UBE2E2: variants seen among roughly 807,000 people sequenced by gnomAD.
UBE2E2 encodes the protein ubiquitin conjugating enzyme E2 E2, also known as ubiquitin-conjugating enzyme E2 E2.
UBE2E2 carries 6 observed loss-of-function variants against 24.7 expected under a neutral mutation model. That is an observed-to-expected ratio of 0.24 (90% CI 0.13 to 0.48). The LOEUF (loss-of-function observed/expected upper bound fraction) is 0.48, where lower values mean the gene tolerates loss of function less well. Among genes scored for constraint, UBE2E2 ranks in the 20% least tolerant of loss-of-function variants. UBE2E2 has a pLI of 0.99. For synonymous variants in UBE2E2, 104 were observed against 83.6 expected (o/e 1.24, Z -1.33); for missense variants, 169 against 245.0 (o/e 0.69, Z 2.07).
intron 4 of UBE2E2, among the ~76,000 whole-genome samples, chr3:23,504,912 CTTT>C (rs150970405): frequency 8.4e-5 from 8 of 95,062 alleles, no homozygotes; most frequent in African/African-American, 3.2e-4. Flanking sequence ...GACATTCTTT[CTTT>C]TTTTTTTTTT....
At chr3:23,580,301 A>G (rs1400998032) in intron 5 of UBE2E2, among the ~76,000 whole-genome samples, 1 of 152,236 alleles carries the variant, frequency 6.6e-6, no homozygotes, top group African/African-American at 2.4e-5. Context: ...CGATGCGGCA[A>G]ACTGTATTGT....
At chr3:23,543,916 A>G (rs1238012578) in intron 5 of UBE2E2, among the ~76,000 whole-genome samples, 1 of 152,206 alleles carries the variant, frequency 6.6e-6, no homozygotes, top group Non-Finnish European at 1.5e-5. Context: ...AAAGCCAAAT[A>G]CAGCCAACTG....
intron 3 of UBE2E2, among the ~76,000 whole-genome samples, chr3:23,361,746 T>C (rs1464685174): frequency 1.3e-5 from 2 of 152,154 alleles, no homozygotes; most frequent in African/African-American, 4.8e-5. Flanking sequence ...CATTGAAATC[T>C]CAGAAATCAC....
intron 3 of UBE2E2, among the ~76,000 whole-genome samples, chr3:23,317,106 T>C (rs1358273901): frequency 1.3e-5 from 2 of 152,198 alleles, no homozygotes; most frequent in Non-Finnish European, 2.9e-5. Flanking sequence ...TTTAGCCTCC[T>C]TGGCTGGTGT....
intron 4 of UBE2E2, among the ~76,000 whole-genome samples, chr3:23,508,033 CAG>C (rs1491554877): frequency 6.6e-6 from 1 of 152,178 alleles, no homozygotes; most frequent in African/African-American, 2.4e-5. Context: ...TAACTAGTGT[CAG>C]AATGGCCTTG....
At chr3:23,567,118 A>G (rs1016892344) in intron 5 of UBE2E2, among the ~76,000 whole-genome samples, 1 of 152,244 alleles carries the variant, frequency 6.6e-6, no homozygotes, top group Non-Finnish European at 1.5e-5. Context: ...TAATGCTTCT[A>G]TAACTAAAAC....
At position 23,493,736 on chromosome 3, in the gene UBE2E2, T is replaced by C. The variant is rs79224855; in HGVS notation, c.228-5872T>C. Among the ~76,000 whole-genome samples, 491 of 152,330 alleles carry C rather than the reference T, an allele frequency of 3.2e-3. 20 individuals carry two copies. In the East Asian group the frequency reaches 0.082, roughly 26 times the overall value. On this transcript the variant is annotated intron_variant, in intron 3 of 5. Transcript: ENST00000396703. ...TCTAAAGTTCTGCTATATCTAAATA[T>C]ACATCATAAGATTAGGTTACAGAAT...
chr3:23,232,909 AG>A (rs1280592302), intron 3 of UBE2E2, among the ~76,000 whole-genome samples: 1 of 152,250 alleles, frequency 6.6e-6, no homozygotes, highest in African/African-American at 2.4e-5. Context: ...AACTGGAAGA[AG>A]GTGACAGATT....
intron 3 of UBE2E2, among the ~76,000 whole-genome samples, chr3:23,403,802 C>T (rs1443643802): frequency 1.5e-5 from 2 of 134,562 alleles, no homozygotes; most frequent in East Asian, 2.1e-4. Flanking sequence ...AGTGAGATTC[C>T]GTCTCCAAAA....
intron 3 of UBE2E2, among the ~76,000 whole-genome samples, chr3:23,352,588 A>G (rs1248638316): frequency 6.6e-6 from 1 of 152,278 alleles, no homozygotes; most frequent in Non-Finnish European, 1.5e-5. Flanking sequence ...AACTACCATC[A>G]GAGAATACTA....
Position 23,408,385 on chromosome 3 carries a change from T to TC in UBE2E2, c.228-91222dup, listed in dbSNP as rs529808015. Among the ~76,000 whole-genome samples, 1,265 of 152,238 alleles carry TC rather than the reference T, an allele frequency of 8.3e-3. 12 individuals carry two copies. The highest frequency in any genetic ancestry group is 0.02 in the Middle Eastern group (6 of 294). On this transcript the variant is annotated intron_variant, in intron 3 of 5. Transcript: ENST00000396703. Reference sequence around the variant, plus strand: ...AATTTGATATAATTTATCTAGAAAATCTTTAAATCTGGATCACACTGGGCA... The same window carrying TC: ...AATTTGATATAATTTATCTAGAAAATCCTTTAAATCTGGATCACACTGGGCA...
At chr3:23,530,372 T>C (rs1695094590) in intron 4 of UBE2E2, among the ~76,000 whole-genome samples, 1 of 152,210 alleles carries the variant, frequency 6.6e-6, no homozygotes, top group South Asian at 2.1e-4. Flanking sequence ...TGTCATTTTC[T>C]CCTTATAATT....
intron 5 of UBE2E2, among the ~76,000 whole-genome samples, chr3:23,585,716 T>A (rs1389306287): frequency 6.6e-6 from 1 of 152,188 alleles, no homozygotes; most frequent in African/African-American, 2.4e-5. Flanking sequence ...TGAGGAAAAC[T>A]GACAGATGAT....
intron 3 of UBE2E2, among the ~76,000 whole-genome samples, chr3:23,397,971 A>G (rs1336511625): frequency 6.6e-6 from 1 of 152,082 alleles, no homozygotes; most frequent in Non-Finnish European, 1.5e-5. Flanking sequence ...TCGGTCTGTT[A>G]TATAGCCACT....
At chr3:23,343,681 A>AT (rs1695466117) in intron 3 of UBE2E2, among the ~76,000 whole-genome samples, 1 of 152,238 alleles carries the variant, frequency 6.6e-6, no homozygotes, top group Admixed American at 6.5e-5. Context: ...TCGGTGCCAG[A>AT]TTTAAAAAAA....
At chr3:23,337,867 G>T (rs989419068) in intron 3 of UBE2E2, among the ~76,000 whole-genome samples, 1 of 152,180 alleles carries the variant, frequency 6.6e-6, no homozygotes, top group Non-Finnish European at 1.5e-5. Context: ...ATCAAAATGA[G>T]TGAAAGTAGA....
At chr3:23,436,866 T>C (rs1024776315) in intron 3 of UBE2E2, among the ~76,000 whole-genome samples, 1 of 152,230 alleles carries the variant, frequency 6.6e-6, no homozygotes, top group Non-Finnish European at 1.5e-5. Flanking sequence ...ACCTCATTTT[T>C]ATCACAGTTA....
rs952457112 is a variant in UBE2E2 at position 23,407,629 on chromosome 3, TTGTG to T, written c.228-91974_228-91971del. On this transcript the variant is annotated intron_variant, in intron 3 of 5. Coordinates refer to ENST00000396703, the MANE Select transcript of UBE2E2 (RefSeq NM_152653.4). The surrounding 1 kb of genome is among the most constrained non-coding windows in gnomAD (Gnocchi z 4.0). Reference sequence around the variant, plus strand: ...TTGGGAGGAGTGCATGTGTGTGTGTTTGTGTGTGCATGCGTGCATGTGTGTGTGT... The same window carrying T: ...TTGGGAGGAGTGCATGTGTGTGTGTTTGTGCATGCGTGCATGTGTGTGTGT... Among the ~76,000 whole-genome samples the T allele has an allele frequency of 3.0e-5, 4 of 135,000 alleles. No homozygotes were observed. The highest frequency in any genetic ancestry group is 9.3e-5 in the African/African-American group (3 of 32,108). 88.6% of individuals were successfully genotyped at this position (135,000 alleles called of 152,430 possible).
chr3:23,390,693 C>G (rs913030316), intron 3 of UBE2E2, among the ~76,000 whole-genome samples: 1 of 152,160 alleles, frequency 6.6e-6, no homozygotes, highest in Non-Finnish European at 1.5e-5. Context: ...GGGCCAGAGC[C>G]CAAAAGCACT....
Sources: allele counts gnomAD v4.1 joint callset (sites outside exome capture counted in the v4.1 genomes callset), GRCh38; gene constraint gnomAD v4.1.1; non-coding constraint Gnocchi (gnomAD v3.1); transcripts MANE v1.5; gene names NCBI Gene and HGNC (gene_info 2026-07-23, HGNC 2026-07-21).